Variants in HTATSF1 observed in about 807,000 individuals in gnomAD.
HTATSF1 encodes the protein HIV-1 Tat specific factor 1, also known as 17S U2 SnRNP complex component HTATSF1.
Under a neutral mutation model 46.1 loss-of-function variants are expected in HTATSF1, and 6 were observed. The ratio of observed to expected loss-of-function variants is 0.13; its 90% CI spans 0.07 to 0.26. The LOEUF is 0.26. Among genes scored for constraint, HTATSF1 ranks in the 10% least tolerant of loss-of-function variants. The probability of loss-of-function intolerance (pLI) is 1.00; values close to 1 mark genes in which losing one functional copy is unlikely to be tolerated. For missense variants in HTATSF1, 452 were observed against 559.9 expected (o/e 0.81, Z 1.94); for synonymous variants, 226 against 211.5 (o/e 1.07, Z -0.60).
chrX:136,497,614 C>T lies in HTATSF1; in HGVS notation c.-71C>T. On this transcript the variant is annotated 5_prime_UTR_variant, in exon 1 of 9. Coordinates refer to ENST00000218364, the MANE Select transcript of HTATSF1 (RefSeq NM_014500.5). ...AGCAGAGCGCGGTTGACCTCCCTTT[C>T]TCTGCTCAGCTCCAGCGTCATTTCG... The T allele has an allele frequency of 1.0e-6, 1 of 968,625 alleles. No individual in the cohort carries two copies. The highest frequency in any genetic ancestry group is 3.4e-5 in the East Asian group (1 of 29,567). The allele number at this position is 968,625 out of a possible 1,213,427, so 79.8% of individuals were successfully genotyped here. A position where few individuals can be genotyped will look rare whatever the true frequency, so the allele number is the denominator to read the frequency against.
At chrX:136,509,039 A>G in intron 6 of HTATSF1, 52 bp from the exon 7 acceptor site, 4 of 849,629 alleles carry the variant, frequency 4.7e-6, no homozygotes, top group South Asian at 2.1e-5. Context: ...GATTCTCAGG[A>G]TTTATAGTTA....
chrX:136,499,777 A>G lies in HTATSF1; in HGVS notation c.366A>G (p.Ser122=). 1 of 1,162,581 alleles carries G rather than the reference A, an allele frequency of 8.6e-7. No homozygotes were observed. Among genetic ancestry groups the G allele is most frequent in the Non-Finnish European group, 1.1e-6 (1 of 876,264 alleles). ...AGGGAGAAAAAAGAAAGGCTGAGTC[A>G]GGTAAGTGGTTCTAGCTTACAAATT... The part of the protein sequence containing the change: ...RKKGEKRKAE[S]GWFHVEEDRN... Residue 122 remains serine, a splice_region_variant and synonymous_variant, in exon 2 of 9, where the codon TCA becomes TCG. Transcript: ENST00000218364.
rs747488091 is a variant in HTATSF1 at position 136,504,392 on chromosome X, G to T, written c.763G>T (p.Ala255Ser). 1 of 1,210,595 alleles carries T rather than the reference G, an allele frequency of 8.3e-7. No homozygotes were observed. Among genetic ancestry groups the T allele is most frequent in the Non-Finnish European group, 1.1e-6 (1 of 894,664 alleles). The part of the protein sequence containing the change: ...KQLDWRPERR[A>S]GPSRMRHERV... ...GTTGGATTGGAGACCTGAGAGGCGA[G>T]CCGGACCATCCCGGATGCGCCATGA... is the stretch of plus-strand genomic sequence containing the variant. Residue 255 changes from alanine to serine, a missense_variant, in exon 6 of 9, where the codon GCC becomes TCC. Around this residue, in one of 3 missense-constraint regions of HTATSF1, gnomAD observed 117 missense variants for 222.2 expected, o/e 0.53. Coordinates refer to ENST00000218364, the MANE Select transcript of HTATSF1 (RefSeq NM_014500.5).
chrX:136,509,258 A>G (rs977885197), intron 7 of HTATSF1, 78 bp downstream of exon 7: 2 of 668,966 alleles, frequency 3.0e-6, no homozygotes, highest in African/African-American at 4.3e-5. Flanking sequence ...ATGTTAGTAT[A>G]CCCCTGAATT....
intron 6 of HTATSF1, among the ~76,000 whole-genome samples, chrX:136,507,566 A>G (rs1193858327): frequency 1.9e-5 from 2 of 104,054 alleles, no homozygotes; most frequent in Non-Finnish European, 3.8e-5. Context: ...GTCTTCAAAA[A>G]AAAAAAAGAA....
intron 7 of HTATSF1, 79 bp downstream of exon 7, chrX:136,509,259 C>T (rs2075756753): frequency 6.0e-6 from 4 of 667,023 alleles, no homozygotes; most frequent in Non-Finnish European, 9.6e-6. Flanking sequence ...TGTTAGTATA[C>T]CCCTGAATTT....
At chrX:136,503,620 C>T (rs2075729164) in intron 5 of HTATSF1, among the ~76,000 whole-genome samples, 1 of 111,282 alleles carries the variant, frequency 9.0e-6, no homozygotes, top group African/African-American at 3.3e-5. Flanking sequence ...ATGATTGTAA[C>T]AGAGTTGAGT....
At chrX:136,499,395 G>A (rs1335466260) in intron 1 of HTATSF1, among the ~76,000 whole-genome samples, 1 of 112,221 alleles carries the variant, frequency 8.9e-6, no homozygotes, top group Admixed American at 9.4e-5. Context: ...AAGTACTTGT[G>A]TCTTATTTTT....
intron 5 of HTATSF1, 27 bp from the exon 6 acceptor site, chrX:136,504,337 T>G: frequency 8.7e-7 from 1 of 1,150,878 alleles, no homozygotes; most frequent in Non-Finnish European, 1.2e-6. Flanking sequence ...AAATTTACAG[T>G]TTGTTGTTAC....
rs1215472944 is a variant in HTATSF1 at position 136,505,911 on chromosome X, T to C, written c.834+1448T>C. ...AATACAACTCCGGGATTTCCTATTA[T>C]TTATTACATTTTATCCCCCTGCTAA... On this transcript the variant is annotated intron_variant, in intron 6 of 8. Coordinates refer to ENST00000218364, the MANE Select transcript of HTATSF1 (RefSeq NM_014500.5). Among the ~76,000 whole-genome samples, 13 of 112,424 alleles carry C rather than the reference T, an allele frequency of 1.2e-4. No individual in the cohort carries two copies. The Admixed American group carries it at 1.2e-3, about 11-fold the overall frequency.
Position 136,512,205 on chromosome X carries a change from A to G in HTATSF1, c.*192A>G, listed in dbSNP as rs190032998. 1.9e-4 allele frequency: 68 copies of G among 355,306 alleles called. No homozygotes were observed. The highest frequency in any genetic ancestry group is 1.6e-3 in the African/African-American group (60 of 38,159). The allele number at this position is 355,306 out of a possible 1,213,427, so 29.3% of individuals were successfully genotyped here. ...TAATTGATTGTTTAGTTAAAATGTCATAGTTACAATGCAAGTAAACTGGAT... is the reference window on the plus strand; with the variant it reads ...TAATTGATTGTTTAGTTAAAATGTCGTAGTTACAATGCAAGTAAACTGGAT... On this transcript the variant is annotated 3_prime_UTR_variant, in exon 9 of 9. Coordinates refer to ENST00000218364, the MANE Select transcript of HTATSF1 (RefSeq NM_014500.5).
intron 7 of HTATSF1, among the ~76,000 whole-genome samples, chrX:136,509,559 C>T (rs2075758079): frequency 8.9e-6 from 1 of 112,072 alleles, no homozygotes; most frequent in African/African-American, 3.2e-5. Flanking sequence ...TCTTCTCATC[C>T]TCTTTTTACT....
intron 4 of HTATSF1, 108 bp downstream of exon 4, chrX:136,500,926 A>G: frequency 2.1e-6 from 1 of 482,815 alleles, no homozygotes; most frequent in South Asian, 8.2e-5. Flanking sequence ...TCAAAACAGG[A>G]TATGAAGAAA....
chrX:136,500,893 T>G (rs2075715180), intron 4 of HTATSF1, 75 bp downstream of exon 4: 1 of 733,102 alleles, frequency 1.4e-6, no homozygotes, highest in Non-Finnish European at 1.9e-6. Flanking sequence ...TTTCTATAGA[T>G]GATAACCAAC....
In HTATSF1 at chrX:136,509,080, A is replaced by G. The variant is rs188665589; in HGVS notation, c.835-11A>G. The G allele has an allele frequency of 6.0e-6, 7 of 1,174,606 alleles. No homozygotes were observed. The highest frequency in any genetic ancestry group is 8.1e-6 in the Non-Finnish European group (7 of 863,039). On this transcript the variant is annotated splice_polypyrimidine_tract_variant and intron_variant, in intron 6 of 8. Coordinates refer to ENST00000218364, the MANE Select transcript of HTATSF1 (RefSeq NM_014500.5). ...GGGAGCAAACCCATTTTAATCATGC[A>G]TATTTTTCAGGATGATCCGTTGGTG... is the stretch of plus-strand genomic sequence containing the variant.
chrX:136,505,622 A>T (rs905563984), intron 6 of HTATSF1, among the ~76,000 whole-genome samples: 6 of 111,885 alleles, frequency 5.4e-5, no homozygotes, highest in African/African-American at 2.0e-4. Context: ...TTTAAAATGA[A>T]TGCATAGAAT....
rs1175280121 is a variant in HTATSF1, at chrX:136,499,797, C to T, written c.367+19C>T. ...GAGTCAGGTAAGTGGTTCTAGCTTA[C>T]AAATTTTAAGTGTAAAAATTAAAAA... On this transcript the variant is annotated intron_variant, in intron 2 of 8. Transcript: ENST00000218364. 1 of 1,122,413 alleles carries T rather than the reference C, an allele frequency of 8.9e-7. No individual in the cohort carries two copies. The highest frequency in any genetic ancestry group is 1.2e-6 in the Non-Finnish European group (1 of 850,881). 92.5% of individuals were successfully genotyped at this position (1,122,413 alleles called of 1,213,427 possible). A position where few individuals can be genotyped will look rare whatever the true frequency, so the allele number is the denominator to read the frequency against.
rs746736138 is a variant in HTATSF1 at position 136,511,599 on chromosome X, A to G, written c.1854A>G (p.Arg618=). The G allele has an allele frequency of 5.0e-6, 6 of 1,209,144 alleles. No homozygotes were observed. In the South Asian group the frequency reaches 7.1e-5, roughly 14 times the overall value. ...TGTTAGATGAGGAAGGCTCTGAGAGAGAGTTTGACGAAGATTCAGATGAAA... is the reference window on the plus strand; with the variant it reads ...TGTTAGATGAGGAAGGCTCTGAGAGGGAGTTTGACGAAGATTCAGATGAAA... The part of the protein sequence containing the change: ...EKVLDEEGSE[R]EFDEDSDEKE... The change falls in exon 9 of 9, where the codon AGA becomes AGG. Residue 618 remains arginine, a synonymous_variant. Transcript: ENST00000218364.
Position 136,510,973 on chromosome X carries a change from A to G in HTATSF1, c.1228A>G (p.Lys410Glu). The G allele has an allele frequency of 1.7e-6, 2 of 1,211,801 alleles. No individual in the cohort carries two copies. The highest frequency in any genetic ancestry group is 2.2e-6 in the Non-Finnish European group (2 of 895,362). The change falls in exon 9 of 9, where the codon AAA (lysine) becomes GAA (glutamate). Residue 410 changes from lysine to glutamate, a missense_variant. Physicochemically the swap from Lys to Glu is moderately conservative, Grantham distance 56. Coordinates refer to ENST00000218364, the MANE Select transcript of HTATSF1 (RefSeq NM_014500.5). The part of the protein sequence containing the change: ...RHFSEHPSTS[K>E]MNAQETATGM... ...TTTTTCAGAGCACCCCAGCACATCT[A>G]AAATGAATGCTCAAGAAACTGCAAC...
Sources: gnomAD v4.1 joint callset for allele counts (sites outside exome capture counted in the v4.1 genomes callset) on GRCh38, gnomAD v4.1.1 for gene constraint, gnomAD v4.1.1 regional missense constraint, MANE v1.5 for transcripts, NCBI Gene and HGNC (gene_info 2026-07-23, HGNC 2026-07-21) for gene names.